Variants in FYB1 observed in about 807,000 individuals in gnomAD.
FYB1 encodes FYN binding protein 1.
A neutral mutation model predicts 94.1 loss-of-function variants in FYB1; 41 were observed. The ratio of observed to expected loss-of-function variants is 0.44; its 90% CI spans 0.34 to 0.57. FYB1 has a LOEUF of 0.57. FYB1 is among the 20% of genes least tolerant of loss of function. FYB1 has a pLI of 0.02. For synonymous variants in FYB1, 367 were observed against 353.2 expected (o/e 1.04, Z -0.44); for missense variants, 1,050 against 976.8 (o/e 1.07, Z -1.00).
intron 2 of FYB1, among the ~76,000 whole-genome samples, chr5:39,184,765 C>T (rs554393652): frequency 5.3e-5 from 8 of 151,980 alleles, no homozygotes; most frequent in African/African-American, 1.9e-4. Context: ...ATCCTTTGCC[C>T]CCAAGTTCAT....
chr5:39,118,393 T>G lies in FYB1; in HGVS notation c.2401+481A>C, dbSNP rs562463966. 4.6e-4 allele frequency among the ~76,000 whole-genome samples: 70 copies of G among 152,326 alleles called. 1 individual carries two copies. Among genetic ancestry groups the G allele is most frequent in the African/African-American group, 1.6e-3 (66 of 41,580 alleles). On this transcript the variant is annotated intron_variant, in intron 16 of 18. Coordinates refer to ENST00000512982, the MANE Select transcript of FYB1 (RefSeq NM_001465.6). ...CTACACAATTCTGTATAATTTGATA[T>G]TCTCCATAATTTTAAAAGCAGGCCA...
chr5:39,188,149 T>C (rs1036886695), intron 2 of FYB1, among the ~76,000 whole-genome samples: 4 of 152,142 alleles, frequency 2.6e-5, no homozygotes, highest in African/African-American at 9.7e-5. Context: ...CAGGAACCCT[T>C]GGACCTCTTT....
chr5:39,141,873 GA>G (rs199557798), intron 3 of FYB1, among the ~76,000 whole-genome samples: 5,436 of 129,880 alleles, frequency 0.042, 273 homozygotes, highest in African/African-American at 0.13. Flanking sequence ...TTCTGTCTCA[GA>G]AAAAAAAAAA....
At chr5:39,222,456 A>G (rs1750309483), upstream of FYB1, among the ~76,000 whole-genome samples, 1 of 152,242 alleles carries the variant, frequency 6.6e-6, no homozygotes, top group South Asian at 2.1e-4. Flanking sequence ...ACTAAAGGGA[A>G]GGTGAGCCCA....
At position 39,170,096 on chromosome 5, in the gene FYB1, T is replaced by C. The variant is rs1004955932; in HGVS notation, c.1136-16492A>G. On this transcript the variant is annotated intron_variant, in intron 2 of 18. Coordinates refer to ENST00000512982, the MANE Select transcript of FYB1 (RefSeq NM_001465.6). The stretch of plus-strand genomic sequence containing the variant: ...TTCACATTTGCAGTGCCAGCTAAGA[T>C]GGTGGCTTTTTGATTTCAAATGTTA... 1.7e-4 allele frequency: 144 copies of C among 849,144 alleles called. No homozygotes were observed. The Admixed American group carries it at 2.5e-3, about 15-fold the overall frequency. 52.6% of individuals were successfully genotyped at this position (849,144 alleles called of 1,614,324 possible).
At chr5:39,255,253 G>T (rs1038905948) in intron 1 of FYB1, among the ~76,000 whole-genome samples, 1 of 152,006 alleles carries the variant, frequency 6.6e-6, no homozygotes, top group Admixed American at 6.6e-5. Flanking sequence ...AGCTCTACTT[G>T]CCCAGTCTAT....
At chr5:39,228,931 T>A (rs1750601900) in intron 1 of FYB1, among the ~76,000 whole-genome samples, 1 of 152,194 alleles carries the variant, frequency 6.6e-6, no homozygotes, top group African/African-American at 2.4e-5. Context: ...TCTCTCACGA[T>A]AAAATTAGGA....
intron 1 of FYB1, among the ~76,000 whole-genome samples, chr5:39,246,900 G>A (rs1751499159): frequency 6.6e-6 from 1 of 151,842 alleles, no homozygotes; most frequent in African/African-American, 2.4e-5. Flanking sequence ...GGCTGCCTGG[G>A]TTTGGACTTC....
intron 1 of FYB1, among the ~76,000 whole-genome samples, chr5:39,233,854 T>C (rs1402216570): frequency 6.6e-6 from 1 of 152,124 alleles, no homozygotes; most frequent in Non-Finnish European, 1.5e-5. Flanking sequence ...AAAATTCCAC[T>C]GAGAACTCAG....
At chr5:39,109,573 G>C (rs1403384768) in intron 17 of FYB1, among the ~76,000 whole-genome samples, 3 of 152,106 alleles carry the variant, frequency 2.0e-5, no homozygotes, top group Non-Finnish European at 4.4e-5. Flanking sequence ...TAGTTTGCCA[G>C]CAAAGCTCTT....
chr5:39,147,451 C>CCT (rs2150345960), intron 3 of FYB1, among the ~76,000 whole-genome samples: 1 of 53,664 alleles, frequency 1.9e-5, no homozygotes, highest in East Asian at 5.0e-4. Flanking sequence ...TGTACATATG[C>CCT]CTGTGTGTGT....
intron 1 of FYB1, among the ~76,000 whole-genome samples, chr5:39,256,376 G>A (rs558589023): frequency 1.4e-4 from 22 of 152,258 alleles, no homozygotes; most frequent in African/African-American, 5.1e-4. Flanking sequence ...CGTGTGGAAG[G>A]GTAGAATAGT....
At chr5:39,110,883 AG>A in intron 16 of FYB1, 2 of 284,530 alleles carry the variant, frequency 7.0e-6, no homozygotes, top group South Asian at 3.2e-5. Context: ...ATTGACTACT[AG>A]GGGGACTATG....
intron 3 of FYB1, among the ~76,000 whole-genome samples, chr5:39,146,541 GACTA>G (rs370609834): frequency 2.8e-4 from 42 of 152,178 alleles, no homozygotes; most frequent in African/African-American, 9.4e-4. Context: ...AACAACAAGA[GACTA>G]ACTTTTATTA....
chr5:39,206,818 CACAA>C (rs1487275213), intron 1 of FYB1, among the ~76,000 whole-genome samples: 2 of 152,148 alleles, frequency 1.3e-5, no homozygotes, highest in African/African-American at 2.4e-5. Flanking sequence ...CACACATATT[CACAA>C]ACAAACACCC....
chr5:39,146,932 A>T (rs1742706392), intron 3 of FYB1, among the ~76,000 whole-genome samples: 1 of 152,192 alleles, frequency 6.6e-6, no homozygotes, highest in African/African-American at 2.4e-5. Flanking sequence ...TGCAGGTGCC[A>T]TGAGTAAATC....
At chr5:39,268,352 C>T (rs1278884008) in intron 1 of FYB1, among the ~76,000 whole-genome samples, 1 of 151,786 alleles carries the variant, frequency 6.6e-6, no homozygotes, top group Non-Finnish European at 1.5e-5. Flanking sequence ...ATCAGCCTCC[C>T]TAGTAGGTGG....
At chr5:39,140,979 G>T (rs545971057) in intron 4 of FYB1, 116 bp downstream of exon 4, 2 of 706,538 alleles carry the variant, frequency 2.8e-6, no homozygotes, top group South Asian at 3.3e-5. Context: ...AACGAGAGGG[G>T]CCTTGCACAG....
rs577010637 is a variant in FYB1, at chr5:39,164,663, C to A, written c.1136-11059G>T. Among the ~76,000 whole-genome samples the A allele has an allele frequency of 5.3e-5, 8 of 152,282 alleles. No homozygotes were observed. The East Asian group carries it at 1.5e-3, about 29-fold the overall frequency. On this transcript the variant is annotated intron_variant, in intron 2 of 18. Coordinates refer to ENST00000512982, the MANE Select transcript of FYB1 (RefSeq NM_001465.6). ...CTCCTGACCTCACGTGAACTACCTGCTTCAGTCTCCCAAAGTGCTGGGATT... is the reference window on the plus strand; with the variant it reads ...CTCCTGACCTCACGTGAACTACCTGATTCAGTCTCCCAAAGTGCTGGGATT...
Sources: allele counts gnomAD v4.1 joint callset (sites outside exome capture counted in the v4.1 genomes callset), GRCh38; gene constraint gnomAD v4.1.1; transcripts MANE v1.5; gene names NCBI Gene and HGNC (gene_info 2026-07-23, HGNC 2026-07-21).